Variants in PLXNA4 observed in about 807,000 individuals in gnomAD.
The protein encoded by PLXNA4 is plexin-A4.
PLXNA4 carries 44 observed loss-of-function variants against 191.8 expected under a neutral mutation model. That is an observed-to-expected ratio of 0.23 (90% CI 0.18 to 0.29). PLXNA4 has a LOEUF of 0.29. Among genes scored for constraint, PLXNA4 ranks in the 10% least tolerant of loss-of-function variants. The probability of loss-of-function intolerance (pLI) is 1.00; values close to 1 mark genes in which losing one functional copy is unlikely to be tolerated. For synonymous variants in PLXNA4, 1,082 were observed against 1,009.5 expected, an observed-to-expected ratio of 1.07 and a Z score of -1.36; for missense variants, 1,800 against 2,488.8, an observed-to-expected ratio of 0.72 and a Z score of 5.89.
chr7:132,267,742 G>A (rs935909615), intron 4 of PLXNA4, among the ~76,000 whole-genome samples: 1 of 152,142 alleles, frequency 6.6e-6, no homozygotes, highest in Non-Finnish European at 1.5e-5. Context: ...ATACTATGTA[G>A]AACAAATAAC....
rs776594259 is a variant in PLXNA4 at position 132,507,883 on chromosome 7, T to G, written c.811A>C (p.Thr271Pro). 27 of 1,614,018 alleles carry G rather than the reference T, an allele frequency of 1.7e-5. No homozygotes were observed. In the South Asian group the frequency reaches 2.2e-4, roughly 13 times the overall value. The change falls in exon 2 of 32, where the codon ACC becomes CCC. Residue 271 changes from threonine to proline, a missense_variant. Thr to Pro is a conservative substitution (Grantham distance 38). Coordinates refer to ENST00000321063, the MANE Select transcript of PLXNA4 (RefSeq NM_020911.2). Reference protein sequence around the residue: ...PEMVSPPGSTTKEQVYTSKLV... With the variant: ...PEMVSPPGSTPKEQVYTSKLV... ...TTGGATGTATACACCTGCTCCTTGG[T>G]GGTGGAGCCTGGTGGAGACACCATC...
At chr7:132,171,060 C>T (rs1433193577) in intron 21 of PLXNA4, among the ~76,000 whole-genome samples, 1 of 152,198 alleles carries the variant, frequency 6.6e-6, no homozygotes, top group Non-Finnish European at 1.5e-5. Context: ...TGCCATCAGC[C>T]CGGGCCTCAA....
intron 3 of PLXNA4, among the ~76,000 whole-genome samples, chr7:132,416,522 T>C (rs1388225194): frequency 1.3e-5 from 2 of 152,212 alleles, no homozygotes; most frequent in African/African-American, 4.8e-5. Flanking sequence ...ATCATCCTCA[T>C]CCTTGATCCC....
chr7:132,556,717 G>A (rs1035038849), intron 1 of PLXNA4, among the ~76,000 whole-genome samples: 1 of 152,196 alleles, frequency 6.6e-6, no homozygotes, highest in Non-Finnish European at 1.5e-5. Flanking sequence ...CATGTCAAAG[G>A]GTTCCGTCCT....
chr7:132,391,063 G>A (rs909345612), intron 3 of PLXNA4, among the ~76,000 whole-genome samples: 4 of 152,210 alleles, frequency 2.6e-5, no homozygotes, highest in African/African-American at 7.2e-5. Context: ...AAAGCAAAGG[G>A]ATGATGGAAT....
intron 2 of PLXNA4, among the ~76,000 whole-genome samples, chr7:132,634,392 C>T (rs979059415): frequency 6.6e-6 from 1 of 151,966 alleles, no homozygotes; most frequent in Admixed American, 6.6e-5. Context: ...GCCTCTCTGA[C>T]ATGGTTCCAT....
intron 3 of PLXNA4, among the ~76,000 whole-genome samples, chr7:132,445,157 GAAAAA>G (rs71529762): frequency 2.2e-4 from 12 of 53,800 alleles, no homozygotes; most frequent in East Asian, 2.2e-3. Context: ...TCCATCTCAG[GAAAAA>G]AAAAAAAAAA....
At chr7:132,157,642 C>A (rs1046339541) in intron 25 of PLXNA4, among the ~76,000 whole-genome samples, 1 of 152,232 alleles carries the variant, frequency 6.6e-6, no homozygotes, top group African/African-American at 2.4e-5. Context: ...ACAGCTCCCC[C>A]TCTTGGCCCC....
chr7:132,568,343 T>C (rs192789005), intron 1 of PLXNA4, among the ~76,000 whole-genome samples: 37 of 152,252 alleles, frequency 2.4e-4, no homozygotes, highest in Middle Eastern at 3.4e-3. Context: ...AGAAATCGGA[T>C]TGGCACCCAT....
intron 2 of PLXNA4, among the ~76,000 whole-genome samples, chr7:132,607,224 C>T (rs1229896385): frequency 6.6e-6 from 1 of 152,224 alleles, no homozygotes; most frequent in Non-Finnish European, 1.5e-5. Flanking sequence ...CACATACACC[C>T]AAGAGACATG....
chr7:132,223,506 C>A (rs1219771026), intron 9 of PLXNA4, 21 bp downstream of exon 9: 3 of 1,593,034 alleles, frequency 1.9e-6, no homozygotes, highest in Admixed American at 3.4e-5. Context: ...ACACTCACCA[C>A]TCTGGCTGCC....
chr7:132,255,339 G>C (rs1476912851), intron 4 of PLXNA4, among the ~76,000 whole-genome samples: 4 of 152,106 alleles, frequency 2.6e-5, no homozygotes, highest in Admixed American at 1.3e-4. Context: ...ACATTCTCAA[G>C]CCTCTGAAAG....
chr7:132,226,536 A>C (rs1385575839), intron 7 of PLXNA4, among the ~76,000 whole-genome samples: 2 of 152,264 alleles, frequency 1.3e-5, no homozygotes, highest in East Asian at 3.8e-4. Context: ...ATTTGCATGC[A>C]TGATGTCCTG....
At chr7:132,217,808 C>A (rs189774400) in intron 9 of PLXNA4, among the ~76,000 whole-genome samples, 26 of 148,534 alleles carry the variant, frequency 1.8e-4, no homozygotes, top group African/African-American at 6.5e-4. Context: ...ATGGAAAGTG[C>A]AGTTGTCTGG....
At chr7:132,647,109 G>A (rs111203940) in intron 1 of PLXNA4, among the ~76,000 whole-genome samples, 10,107 of 115,414 alleles carry the variant, frequency 0.088, 747 homozygotes, top group East Asian at 0.4. Context: ...TCATATACAC[G>A]CATATACACT....
rs775933525 is a variant in PLXNA4, at chr7:132,489,372, G to A, written c.1291C>T (p.Arg431Cys). ...GIPVFTEDRD[R>C]MTSVIAYVYK... ...ACATATGCGATGACAGACGTCATGCGGTCCCTGTCCTCCGTGAAGACGGGA... is the reference window on the plus strand; with the variant it reads ...ACATATGCGATGACAGACGTCATGCAGTCCCTGTCCTCCGTGAAGACGGGA... Residue 431 changes from arginine (R) to cysteine (C), a missense_variant, in exon 3 of 32, where the codon CGC (arginine) becomes TGC (cysteine). Physicochemically the swap from Arg to Cys is radical, Grantham distance 180. Transcript: ENST00000321063. 18 of 1,606,704 alleles carry A rather than the reference G, an allele frequency of 1.1e-5. No homozygotes were observed. The highest frequency in any genetic ancestry group is 4.5e-5 in the East Asian group (2 of 44,592).
chr7:132,296,322 A>C lies in PLXNA4; in HGVS notation c.1503+1769T>G, dbSNP rs559944198. ...AACAGCTGAGGACAAAGAGGTGAAC[A>C]AGGATTCAGATGGGCACCTCCAGGG... On this transcript the variant is annotated intron_variant, in intron 4 of 31. Coordinates refer to ENST00000321063, the MANE Select transcript of PLXNA4 (RefSeq NM_020911.2). Among the ~76,000 whole-genome samples the C allele has an allele frequency of 3.9e-5, 6 of 152,354 alleles. No homozygotes were observed. In the South Asian group the frequency reaches 1.0e-3, roughly 26 times the overall value.
At chr7:132,195,210 A>G (rs930739564) in intron 13 of PLXNA4, among the ~76,000 whole-genome samples, 4 of 152,208 alleles carry the variant, frequency 2.6e-5, no homozygotes, top group Non-Finnish European at 5.9e-5. Flanking sequence ...AAAACATAAC[A>G]TATCCACTGC....
chr7:132,341,791 G>T (rs1332315667), intron 3 of PLXNA4, among the ~76,000 whole-genome samples: 2 of 152,158 alleles, frequency 1.3e-5, no homozygotes, highest in Non-Finnish European at 2.9e-5. Context: ...CCCTGAGGAA[G>T]ATAAAACAAT....
Sources: allele counts gnomAD v4.1 joint callset (sites outside exome capture counted in the v4.1 genomes callset), GRCh38; gene constraint gnomAD v4.1.1; transcripts MANE v1.5; gene names NCBI Gene and HGNC (gene_info 2026-07-23, HGNC 2026-07-21).